The following AQR variants were observed in gnomAD, a reference collection of about 807,000 sequenced individuals.
AQR encodes aquarius intron-binding spliceosomal factor.
In AQR, 61 loss-of-function variants were observed where a neutral mutation model predicts 180.5. The ratio of observed to expected loss-of-function variants is 0.34; its 90% confidence interval spans 0.28 to 0.42. The LOEUF (loss-of-function observed/expected upper bound fraction) is 0.42, where lower values mean the gene tolerates loss of function less well. AQR is among the 10% of genes least tolerant of loss of function. The pLI, the probability that AQR is intolerant of heterozygous loss-of-function variation, is 1.00. For synonymous variants in AQR, 551 were observed against 588.8 expected (o/e 0.94, Z 0.93); for missense variants, 1,281 against 1,798.3 (o/e 0.71, Z 5.20).
intron 12 of AQR, among the ~76,000 whole-genome samples, chr15:34,928,886 T>C (rs192249038): frequency 6.6e-6 from 1 of 152,348 alleles, no homozygotes; most frequent in Non-Finnish European, 1.5e-5. Flanking sequence ...CCATTCTGAC[T>C]GGTGAGAGAT....
chr15:34,963,732 C>T lies in AQR; in HGVS notation c.132+502G>A, dbSNP rs1456427936. 4.7e-5 allele frequency among the ~76,000 whole-genome samples: 7 copies of T among 150,210 alleles called. 1 individual carries two copies. Among genetic ancestry groups the T allele is most frequent in the African/African-American group, 7.5e-5 (3 of 39,912 alleles). ...AGGCTGGAGTGCAGTGGTGCGATCT[C>T]GACTCACTGCACGCTCCGCCTCCCA... On this transcript the variant is annotated intron_variant, in intron 2 of 34. Transcript: ENST00000156471.
At chr15:34,869,318 AGT>A (rs775938136) in intron 31 of AQR, 1 of 152,100 alleles carries the variant, frequency 6.6e-6, no homozygotes, top group Non-Finnish European at 1.5e-5. Flanking sequence ...CCTTATGTGA[AGT>A]GTCTGTTCAA....
At chr15:34,925,768 G>A (rs1044501010) in intron 13 of AQR, among the ~76,000 whole-genome samples, 6 of 151,790 alleles carry the variant, frequency 4.0e-5, no homozygotes, top group Admixed American at 6.6e-5. Context: ...AGGAGGCAGA[G>A]GTTGCAGTGA....
chr15:34,890,968 A>G (rs961630111), intron 23 of AQR, among the ~76,000 whole-genome samples: 4 of 152,172 alleles, frequency 2.6e-5, no homozygotes, highest in African/African-American at 9.7e-5. Flanking sequence ...CAGAAAGGCA[A>G]AAGTTTCATA....
rs139135244 is a variant in AQR at position 34,861,449 on chromosome 15, C to T, written c.4030-1294G>A. ...GGAGAAGATGGGGAGATGTTCTCAG[C>T]CCTAACCTCCCCAGGGCCTTGAACT... On this transcript the variant is annotated intron_variant, in intron 33 of 34. Coordinates refer to ENST00000156471, the MANE Select transcript of AQR (RefSeq NM_014691.3). 8.5e-4 allele frequency among the ~76,000 whole-genome samples: 130 copies of T among 152,286 alleles called. 1 individual carries two copies. The highest frequency in any genetic ancestry group is 3.0e-3 in the African/African-American group (123 of 41,556).
intron 32 of AQR, 70 bp downstream of exon 32, chr15:34,867,454 G>T: frequency 7.6e-7 from 1 of 1,322,694 alleles, no homozygotes; most frequent in Non-Finnish European, 1.1e-6. Context: ...AGAACACTTA[G>T]CCACAGAATT....
intron 29 of AQR, 65 bp from the exon 30 acceptor site, chr15:34,874,064 CATAA>C (rs1892859251): frequency 1.5e-6 from 2 of 1,375,412 alleles, no homozygotes; most frequent in African/African-American, 3.0e-5. Flanking sequence ...TTTTAATATA[CATAA>C]GGAGGTTTCT....
chr15:34,916,882 CA>C (rs71119988), intron 15 of AQR, among the ~76,000 whole-genome samples: 19,117 of 79,154 alleles, frequency 0.24, 1,394 homozygotes, highest in East Asian at 0.38. Context: ...TTCAGCAGAA[CA>C]AAAAAAAAAA....
At chr15:34,889,652 T>C (rs932800361) in intron 24 of AQR, among the ~76,000 whole-genome samples, 2 of 152,198 alleles carry the variant, frequency 1.3e-5, no homozygotes, top group Non-Finnish European at 2.9e-5. Context: ...CCAAAGCTTA[T>C]ATTATCATTA....
intron 16 of AQR, among the ~76,000 whole-genome samples, chr15:34,911,945 T>C (rs892182145): frequency 5.3e-5 from 8 of 152,128 alleles, no homozygotes; most frequent in Non-Finnish European, 1.0e-4. Context: ...ATCTTCAATC[T>C]ATCTTCAGTT....
chr15:34,874,454 TAA>T lies in AQR; in HGVS notation c.3425+221_3425+222del, dbSNP rs967759098. On this transcript the variant is annotated intron_variant, in intron 29 of 34. Transcript: ENST00000156471. ...ACAATGAAAAGAAGCCTTTAGATTA[TAA>T]GTTACTTAAATTAATATTAATGAAT... is the stretch of plus-strand genomic sequence containing the variant. 7.9e-6 allele frequency: 4 copies of T among 508,534 alleles called. No homozygotes were observed. The African/African-American group carries it at 8.0e-5, about 10-fold the overall frequency. 31.5% of individuals were successfully genotyped at this position (508,534 alleles called of 1,614,324 possible). A position where few individuals can be genotyped will look rare whatever the true frequency, so the allele number is the denominator to read the frequency against.
At chr15:34,884,040 G>C (rs1434248074) in intron 26 of AQR, among the ~76,000 whole-genome samples, 1 of 152,082 alleles carries the variant, frequency 6.6e-6, no homozygotes, top group African/African-American at 2.4e-5. Context: ...AAAATACTAA[G>C]ACCTTTACAT....
At chr15:34,937,792 G>T (rs1364584260) in intron 9 of AQR, among the ~76,000 whole-genome samples, 3 of 151,976 alleles carry the variant, frequency 2.0e-5, no homozygotes, top group Admixed American at 2.0e-4. Context: ...GCTGAGGCAG[G>T]AGAATTGCTT....
At chr15:34,875,722 T>G (rs1892880283) in intron 28 of AQR, among the ~76,000 whole-genome samples, 1 of 152,194 alleles carries the variant, frequency 6.6e-6, no homozygotes, top group Non-Finnish European at 1.5e-5. Flanking sequence ...CTATGAAATT[T>G]TAAATAGTAC....
At chr15:34,876,030 T>C (rs779527592) in intron 27 of AQR, 24 bp from the exon 28 acceptor site, 6 of 1,576,752 alleles carry the variant, frequency 3.8e-6, no homozygotes, top group Non-Finnish European at 5.2e-6. Context: ...AATCTTGTCA[T>C]AAAGACAGCT....
chr15:34,933,589 C>T (rs761944722), intron 10 of AQR, among the ~76,000 whole-genome samples: 1 of 152,070 alleles, frequency 6.6e-6, no homozygotes, highest in Non-Finnish European at 1.5e-5. Flanking sequence ...TGACTTCACC[C>T]ACTACAGAAA....
At chr15:34,858,320 C>CAAAAAAA (rs57627687) in intron 34 of AQR, among the ~76,000 whole-genome samples, 58 of 86,018 alleles carry the variant, frequency 6.7e-4, no homozygotes, top group African/African-American at 1.4e-3. Context: ...ACGACAGCAG[C>CAAAAAAA]AAAAAAAAAA....
At chr15:34,890,047 A>C (rs970227887) in intron 24 of AQR, among the ~76,000 whole-genome samples, 168 bp downstream of exon 24, 2 of 152,230 alleles carry the variant, frequency 1.3e-5, no homozygotes, top group African/African-American at 4.8e-5. Context: ...ACTGGAACTG[A>C]GGGACATCAT....
At chr15:34,952,741 A>G in intron 4 of AQR, 144 bp downstream of exon 4, 1 of 635,576 alleles carries the variant, frequency 1.6e-6, no homozygotes, top group Non-Finnish European at 2.8e-6. Flanking sequence ...GCTATCATAT[A>G]CATATTCCAA....
Sources: gnomAD v4.1 joint callset for allele counts (sites outside exome capture counted in the v4.1 genomes callset) on GRCh38, gnomAD v4.1.1 for gene constraint, MANE v1.5 for transcripts, NCBI Gene and HGNC (gene_info 2026-07-23, HGNC 2026-07-21) for gene names.